DENND1A: variants seen among roughly 807,000 people sequenced by gnomAD.
DENND1A encodes the protein DENN domain-containing protein 1A.
In DENND1A, 51 loss-of-function variants were observed where a neutral mutation model predicts 113.7. That is an observed-to-expected ratio of 0.45 (90% CI 0.36 to 0.57). DENND1A has a LOEUF of 0.57. Ranked by LOEUF, DENND1A falls within the 20% of genes least tolerant of loss-of-function variation. The pLI is 0.00. For synonymous variants in DENND1A, 565 were observed against 570.8 expected, an observed-to-expected ratio of 0.99 and a Z score of 0.14; for missense variants, 1,258 against 1,395.9, an observed-to-expected ratio of 0.90 and a Z score of 1.57.
intron 19 of DENND1A, chr9:123,414,240 T>A (rs2044539771): frequency 1.6e-6 from 2 of 1,237,676 alleles, no homozygotes; most frequent in Admixed American, 8.0e-5. Context: ...CCTACCCGAG[T>A]GTCCTGTTAG....
intron 19 of DENND1A, chr9:123,413,315 T>C: frequency 2.7e-5 from 17 of 638,334 alleles, no homozygotes; most frequent in Non-Finnish European, 2.9e-5. Context: ...TTTGGATATA[T>C]TGGGTTCATT....
chr9:123,673,162 T>G (rs2063849289), intron 6 of DENND1A, among the ~76,000 whole-genome samples: 2 of 152,264 alleles, frequency 1.3e-5, no homozygotes, highest in South Asian at 4.1e-4. Flanking sequence ...ATCAATTGAT[T>G]AATTCACTTG....
At chr9:123,407,747 C>A (rs1298194416) in intron 20 of DENND1A, among the ~76,000 whole-genome samples, 1 of 152,262 alleles carries the variant, frequency 6.6e-6, no homozygotes, top group East Asian at 1.9e-4. Context: ...GGAGGGGAAA[C>A]TTGGGAAGCC....
At chr9:123,648,923 A>T (rs2062490552) in intron 9 of DENND1A, among the ~76,000 whole-genome samples, 2 of 152,106 alleles carry the variant, frequency 1.3e-5, no homozygotes, top group Admixed American at 1.3e-4. Flanking sequence ...TATACATGTG[A>T]TCTGTTTTTG....
intron 2 of DENND1A, among the ~76,000 whole-genome samples, chr9:123,807,073 T>A (rs1003357243): frequency 1.3e-5 from 2 of 152,356 alleles, no homozygotes; most frequent in Admixed American, 6.5e-5. Context: ...CATTGCATTA[T>A]GAAGAATTAA....
chr9:123,705,596 A>G (rs1429836045), intron 5 of DENND1A, among the ~76,000 whole-genome samples: 3 of 152,124 alleles, frequency 2.0e-5, no homozygotes, highest in Non-Finnish European at 4.4e-5. Flanking sequence ...TCCTTAGGGG[A>G]AAAAAATGAA....
At chr9:123,850,379 A>G (rs1450620126) in intron 2 of DENND1A, among the ~76,000 whole-genome samples, 1 of 152,240 alleles carries the variant, frequency 6.6e-6, no homozygotes, top group Non-Finnish European at 1.5e-5. Context: ...TTTTAGCAAT[A>G]AAATATTTTT....
At chr9:123,778,267 C>T (rs1251702288) in intron 3 of DENND1A, among the ~76,000 whole-genome samples, 3 of 152,174 alleles carry the variant, frequency 2.0e-5, no homozygotes, top group Non-Finnish European at 4.4e-5. Context: ...GAGGCTGCCT[C>T]GGACAAATTA....
Position 123,382,596 on chromosome 9 carries a change from G to C in DENND1A, c.2049C>G (p.Ser683Arg), listed in dbSNP as rs1226858241. The change falls in exon 24 of 24, where the codon AGC (serine) becomes AGG (arginine). Residue 683 changes from serine to arginine, a missense_variant. Around this residue, in one of 2 missense-constraint regions of DENND1A, gnomAD observed 1,159 missense variants for 1,231.7 expected, o/e 0.94. Coordinates refer to ENST00000394215, the MANE Select transcript of DENND1A (RefSeq NM_001352964.2). ...QRLDLGGSERSRGVTVALKLT... is the reference protein window; with the variant it reads ...QRLDLGGSERRRGVTVALKLT... ...GCTTCAAGGCCACTGTCACCCCGCG[G>C]CTCCTCTCACTCCCGCCCAGATCCA... 6.2e-7 allele frequency: 1 copy of C among 1,614,048 alleles called. No individual in the cohort carries two copies. Among genetic ancestry groups the C allele is most frequent in the South Asian group, 1.1e-5 (1 of 91,084 alleles).
At chr9:123,577,723 A>G (rs2058700783) in intron 12 of DENND1A, among the ~76,000 whole-genome samples, 1 of 151,238 alleles carries the variant, frequency 6.6e-6, no homozygotes, top group African/African-American at 2.5e-5. Flanking sequence ...ATACACACAT[A>G]AAAATGCACA....
chr9:123,854,861 T>C (rs780838871), intron 2 of DENND1A, among the ~76,000 whole-genome samples: 2 of 150,928 alleles, frequency 1.3e-5, no homozygotes, highest in African/African-American at 5.0e-5. Flanking sequence ...GTACCAGACA[T>C]TGCCACAACC....
At chr9:123,703,856 CAG>C (rs2066022858) in intron 5 of DENND1A, among the ~76,000 whole-genome samples, 1 of 152,054 alleles carries the variant, frequency 6.6e-6, no homozygotes, top group Non-Finnish European at 1.5e-5. Flanking sequence ...TTGGGAGTGA[CAG>C]AAACGTTCTG....
At chr9:123,428,542 T>G (rs1244898279) in intron 19 of DENND1A, among the ~76,000 whole-genome samples, 2 of 152,194 alleles carry the variant, frequency 1.3e-5, no homozygotes. Flanking sequence ...GTATTGGAAG[T>G]TCTGGCCAGG....
chr9:123,885,301 TG>T (rs1210609058), intron 1 of DENND1A, among the ~76,000 whole-genome samples: 1 of 152,238 alleles, frequency 6.6e-6, no homozygotes, highest in Admixed American at 6.5e-5. Flanking sequence ...TGAGAACCAC[TG>T]GTGTGTCTCA....
chr9:123,454,770 T>G lies in DENND1A; in HGVS notation c.1196A>C (p.Lys399Thr). 6.4e-7 allele frequency: 1 copy of G among 1,555,196 alleles called. No homozygotes were observed. ...AGTGGAGAGCCACTGATGGTACAGT[T>G]TGTCACTGCCTGGGGAAAGAGAATT... The part of the protein sequence containing the change: ...INMGEYAGSD[K>T]LYHQWLSTVR... Residue 399 changes from lysine to threonine, a missense_variant, in exon 16 of 24, where the codon AAA becomes ACA. Physicochemically the swap from Lys to Thr is moderately conservative, Grantham distance 78. This residue lies in a region of DENND1A where 1,159 missense variants were observed against 1,231.7 expected (regional missense o/e 0.94). Transcript: ENST00000394215.
chr9:123,382,595 G>A lies in DENND1A; in HGVS notation c.2050C>T (p.Arg684Cys), dbSNP rs767572605. The A allele has an allele frequency of 2.9e-5, 47 of 1,613,916 alleles. No homozygotes were observed. The highest frequency in any genetic ancestry group is 1.3e-4 in the East Asian group (6 of 44,886). The part of the protein sequence containing the change: ...RLDLGGSERS[R>C]GVTVALKLTH... ...AGCTTCAAGGCCACTGTCACCCCGC[G>A]GCTCCTCTCACTCCCGCCCAGATCC... Residue 684 changes from arginine (R) to cysteine (C), a missense_variant, in exon 24 of 24, where the codon CGC (arginine) becomes TGC (cysteine). Arg to Cys is a radical substitution (Grantham distance 180). Transcript: ENST00000394215.
chr9:123,676,648 G>A, intron 6 of DENND1A, 72 bp downstream of exon 6: 2 of 1,419,286 alleles, frequency 1.4e-6, no homozygotes, highest in South Asian at 1.2e-5. Flanking sequence ...AAAATATAAG[G>A]CATGTTTTAC....
At chr9:123,851,984 G>A (rs764130567) in intron 2 of DENND1A, among the ~76,000 whole-genome samples, 1 of 152,184 alleles carries the variant, frequency 6.6e-6, no homozygotes, top group African/African-American at 2.4e-5. Flanking sequence ...GAGCAGGACT[G>A]AGTCTCCATC....
chr9:123,739,509 G>T (rs2068824101), intron 5 of DENND1A, among the ~76,000 whole-genome samples: 1 of 152,138 alleles, frequency 6.6e-6, no homozygotes, highest in South Asian at 2.1e-4. Context: ...ATTGAGAAAA[G>T]AAATGCGGTA....
Sources: gnomAD v4.1 joint callset for allele counts (sites outside exome capture counted in the v4.1 genomes callset) on GRCh38, gnomAD v4.1.1 for gene constraint, gnomAD v4.1.1 regional missense constraint, MANE v1.5 for transcripts, NCBI Gene and HGNC (gene_info 2026-07-23, HGNC 2026-07-21) for gene names.